Variants in HCRTR2 observed in about 807,000 individuals in gnomAD.
HCRTR2 encodes the protein orexin receptor type 2.
In HCRTR2, 22 loss-of-function variants were observed where a neutral mutation model predicts 49.0. The observed-to-expected ratio is 0.45, with a 90% CI of 0.32 to 0.64. The LOEUF (loss-of-function observed/expected upper bound fraction) is 0.64. HCRTR2 is among the 30% of genes least tolerant of loss of function. The probability of loss-of-function intolerance (pLI) is 0.04; values close to 1 mark genes in which losing one functional copy is unlikely to be tolerated. For missense variants in HCRTR2, 491 were observed against 559.4 expected, an observed-to-expected ratio of 0.88 and a Z score of 1.23; for synonymous variants, 236 against 205.3, an observed-to-expected ratio of 1.15 and a Z score of -1.28.
At chr6:55,171,913 G>C (rs1263894393), upstream of HCRTR2, among the ~76,000 whole-genome samples, 1 of 152,150 alleles carries the variant, frequency 6.6e-6, no homozygotes, top group Non-Finnish European at 1.5e-5. Context: ...TCAATGACAA[G>C]GAATTTGCAG....
At chr6:55,266,361 T>A (rs1766860765) in intron 4 of HCRTR2, among the ~76,000 whole-genome samples, 1 of 152,182 alleles carries the variant, frequency 6.6e-6, no homozygotes, top group African/African-American at 2.4e-5. Flanking sequence ...CATCAGTTGC[T>A]TTTTTCATAA....
chr6:55,147,352 TAATA>T (rs568783224), intron 1 of HCRTR2, among the ~76,000 whole-genome samples: 206 of 152,298 alleles, frequency 1.4e-3, no homozygotes, highest in Non-Finnish European at 1.7e-3. Flanking sequence ...ATATGCTAAC[TAATA>T]AATACAGTGG....
rs1767096218 is a variant in HCRTR2, at chr6:55,277,378, A to G, written c.763-2A>G. 1 of 1,611,760 alleles carries G rather than the reference A, an allele frequency of 6.2e-7. No individual in the cohort carries two copies. The highest frequency in any genetic ancestry group is 8.5e-7 in the Non-Finnish European group (1 of 1,177,888). On this transcript the variant is annotated splice_acceptor_variant, in intron 4 of 6. Coordinates refer to ENST00000370862, the MANE Select transcript of HCRTR2 (RefSeq NM_001384272.1). LOFTEE classifies it high-confidence loss of function. ...ATAAGGGTCTGTCTCTTCTCCTTTCAGATCCCTGGAACATCATCTGTAGTT... is the reference window on the plus strand; with the variant it reads ...ATAAGGGTCTGTCTCTTCTCCTTTCGGATCCCTGGAACATCATCTGTAGTT...
chr6:55,155,651 C>T (rs541640460), intron 1 of HCRTR2, among the ~76,000 whole-genome samples: 7 of 151,862 alleles, frequency 4.6e-5, no homozygotes, highest in South Asian at 2.1e-4. Flanking sequence ...TTTGTGGAGG[C>T]GGTAGTTAGA....
chr6:55,261,933 A>C (rs963174822), intron 3 of HCRTR2, among the ~76,000 whole-genome samples: 1 of 152,172 alleles, frequency 6.6e-6, no homozygotes, highest in Non-Finnish European at 1.5e-5. Context: ...ATAGCATAGA[A>C]TACTACTTAG....
intron 1 of HCRTR2, among the ~76,000 whole-genome samples, chr6:55,127,011 G>A (rs6936015): frequency 0.38 from 57,416 of 151,896 alleles, 12,035 homozygotes; most frequent in East Asian, 0.85. Flanking sequence ...GGGCCCTATG[G>A]GAGTGGGACC....
At chr6:55,271,806 C>T (rs1766978762) in intron 4 of HCRTR2, among the ~76,000 whole-genome samples, 1 of 152,044 alleles carries the variant, frequency 6.6e-6, no homozygotes, top group Non-Finnish European at 1.5e-5. Flanking sequence ...AAATATTAAT[C>T]AAAATCATGA....
At chr6:55,259,222 T>TA (rs11335998) in intron 3 of HCRTR2, among the ~76,000 whole-genome samples, 11 of 148,206 alleles carry the variant, frequency 7.4e-5, no homozygotes, top group East Asian at 4.0e-4. Context: ...TTTGGTAGGC[T>TA]AAAAAAAAAA....
At chr6:55,164,190 T>C (rs1045229556) in intron 1 of HCRTR2, among the ~76,000 whole-genome samples, 10 of 152,186 alleles carry the variant, frequency 6.6e-5, no homozygotes, top group Non-Finnish European at 1.5e-4. Flanking sequence ...TGTAAATTAG[T>C]TCAACCATTG....
intron 1 of HCRTR2, among the ~76,000 whole-genome samples, chr6:55,123,935 G>C (rs879164878): frequency 6.6e-6 from 1 of 152,102 alleles, no homozygotes; most frequent in Non-Finnish European, 1.5e-5. Flanking sequence ...AGTATTCTCT[G>C]ATGGTAGTTT....
intron 1 of HCRTR2, among the ~76,000 whole-genome samples, chr6:55,112,946 G>A (rs574765464): frequency 6.3e-4 from 95 of 151,954 alleles, no homozygotes; most frequent in African/African-American, 2.2e-3. Context: ...GACCAAGGGA[G>A]CAGAACAAAT....
At chr6:55,204,978 G>A (rs934152699) in intron 1 of HCRTR2, among the ~76,000 whole-genome samples, 12 of 151,964 alleles carry the variant, frequency 7.9e-5, no homozygotes, top group Admixed American at 4.6e-4. Context: ...TTTATTTTTA[G>A]TGGAGATGAG....
chr6:55,175,139 G>A (rs1296911520), intron 1 of HCRTR2, among the ~76,000 whole-genome samples: 2 of 151,966 alleles, frequency 1.3e-5, no homozygotes, highest in Non-Finnish European at 2.9e-5. Flanking sequence ...GTGTGTGGGT[G>A]GGTAGGTGGG....
intron 1 of HCRTR2, among the ~76,000 whole-genome samples, chr6:55,165,275 C>A (rs1329709482): frequency 6.6e-6 from 1 of 151,702 alleles, no homozygotes; most frequent in Admixed American, 6.6e-5. Context: ...AAAGGGATAA[C>A]AATAGAGTAT....
intron 1 of HCRTR2, among the ~76,000 whole-genome samples, chr6:55,161,358 C>G (rs1170283737): frequency 6.6e-6 from 1 of 152,100 alleles, no homozygotes; most frequent in East Asian, 1.9e-4. Context: ...ATTCATAGCA[C>G]TAAATGCCCA....
At chr6:55,196,702 A>C (rs1356755605) in intron 1 of HCRTR2, among the ~76,000 whole-genome samples, 3 of 152,202 alleles carry the variant, frequency 2.0e-5, no homozygotes, top group African/African-American at 7.2e-5. Flanking sequence ...GGTGAGAAGG[A>C]AGAAAAAGAG....
chr6:55,267,457 G>C (rs2127324885), intron 4 of HCRTR2, among the ~76,000 whole-genome samples: 1 of 142,154 alleles, frequency 7.0e-6, no homozygotes, highest in East Asian at 2.0e-4. Context: ...AAATTCTACA[G>C]ATTATTTGCT....
intron 1 of HCRTR2, among the ~76,000 whole-genome samples, chr6:55,193,339 G>A (rs1429907852): frequency 1.3e-5 from 2 of 152,118 alleles, no homozygotes; most frequent in African/African-American, 4.8e-5. Flanking sequence ...CTTAATGGAT[G>A]AGAAGGAAAC....
At chr6:55,122,992 A>C (rs915801786) in intron 1 of HCRTR2, among the ~76,000 whole-genome samples, 3 of 151,200 alleles carry the variant, frequency 2.0e-5, no homozygotes, top group African/African-American at 7.3e-5. Context: ...GGGAAGGGAT[A>C]GCATTAGGAG....
Sources: gnomAD v4.1 joint callset for allele counts (sites outside exome capture counted in the v4.1 genomes callset) on GRCh38, gnomAD v4.1.1 for gene constraint, MANE v1.5 for transcripts, NCBI Gene and HGNC (gene_info 2026-07-23, HGNC 2026-07-21) for gene names.